The following DEPTOR variants were observed in gnomAD, a reference collection of about 807,000 sequenced individuals.
DEPTOR encodes DEP domain containing MTOR interacting protein.
DEPTOR carries 41 observed loss-of-function variants against 41.6 expected under a neutral mutation model. The ratio of observed to expected loss-of-function variants is 0.98; its 90% CI spans 0.77 to 1.28. DEPTOR has a LOEUF of 1.28. Ranked by LOEUF, DEPTOR falls within the 50% of genes most tolerant of loss-of-function variation. The pLI, the probability that DEPTOR is intolerant of heterozygous loss-of-function variation, is 0.00. For missense variants in DEPTOR, 514 were observed against 527.9 expected (o/e 0.97, Z 0.26); for synonymous variants, 195 against 192.3 (o/e 1.01, Z -0.12).
intron 3 of DEPTOR, among the ~76,000 whole-genome samples, chr8:119,949,883 T>C (rs2129922235): frequency 6.6e-6 from 1 of 152,198 alleles, no homozygotes; most frequent in South Asian, 2.1e-4. Flanking sequence ...TTTCACTATG[T>C]TGGCCCGGCT....
At chr8:120,031,380 G>A (rs1203301576) in intron 8 of DEPTOR, among the ~76,000 whole-genome samples, 5 of 152,098 alleles carry the variant, frequency 3.3e-5, no homozygotes, top group South Asian at 2.1e-4. Flanking sequence ...CAGGAGAATT[G>A]CTTGAATCCT....
chr8:120,018,104 A>G (rs1194615422), intron 8 of DEPTOR, among the ~76,000 whole-genome samples: 1 of 152,196 alleles, frequency 6.6e-6, no homozygotes, highest in Non-Finnish European at 1.5e-5. Context: ...TGGCAACATA[A>G]CTGTCTATTT....
At chr8:119,889,698 G>C (rs1295364482) in intron 1 of DEPTOR, among the ~76,000 whole-genome samples, 4 of 146,112 alleles carry the variant, frequency 2.7e-5, no homozygotes, top group African/African-American at 7.6e-5. Context: ...GGGGAGAGGA[G>C]TGGAGAAGGG....
At chr8:120,005,530 C>A (rs1812423163) in intron 6 of DEPTOR, among the ~76,000 whole-genome samples, 2 of 152,156 alleles carry the variant, frequency 1.3e-5, no homozygotes, top group African/African-American at 4.8e-5. Context: ...ACACTCTTTC[C>A]AGGACTGGTA....
chr8:119,941,081 G>C (rs949442250), intron 3 of DEPTOR, among the ~76,000 whole-genome samples: 1 of 151,868 alleles, frequency 6.6e-6, no homozygotes, highest in Non-Finnish European at 1.5e-5. Flanking sequence ...ACTTAAAAAT[G>C]GTTAAAATGG....
intron 1 of DEPTOR, 66 bp from the exon 2 acceptor site, chr8:119,928,334 T>C: frequency 6.5e-7 from 1 of 1,528,514 alleles, no homozygotes. Flanking sequence ...TATTACTGTC[T>C]GGGATTGGTT....
chr8:120,011,425 A>G (rs1414253949), intron 8 of DEPTOR, among the ~76,000 whole-genome samples: 1 of 152,228 alleles, frequency 6.6e-6, no homozygotes, highest in East Asian at 1.9e-4. Flanking sequence ...GGCCAGGATC[A>G]TAAAAAAGCA....
intron 1 of DEPTOR, among the ~76,000 whole-genome samples, chr8:119,911,108 CTGTTTA>C (rs1419901556): frequency 1.3e-5 from 2 of 152,148 alleles, no homozygotes; most frequent in Non-Finnish European, 2.9e-5. Context: ...TCAGTGTTGG[CTGTTTA>C]TCTTTGGGAC....
intron 8 of DEPTOR, among the ~76,000 whole-genome samples, chr8:120,023,813 T>TC (rs397964979): frequency 6.6e-6 from 1 of 151,568 alleles, no homozygotes; most frequent in Non-Finnish European, 1.5e-5. Context: ...TTTTTTTTTT[T>TC]ACTTTGCTTG....
chr8:119,933,245 C>G (rs1326257189), intron 3 of DEPTOR, among the ~76,000 whole-genome samples: 1 of 151,876 alleles, frequency 6.6e-6, no homozygotes, highest in Non-Finnish European at 1.5e-5. Flanking sequence ...ATCCCAGCAC[C>G]TTGGGAGGCT....
At chr8:119,882,807 AC>A (rs1482829145) in intron 1 of DEPTOR, among the ~76,000 whole-genome samples, 7 of 152,172 alleles carry the variant, frequency 4.6e-5, no homozygotes, top group Admixed American at 4.6e-4. Context: ...TTAGGAAATG[AC>A]AAAGGAAAGA....
At chr8:120,009,387 C>T (rs1373479541) in intron 8 of DEPTOR, among the ~76,000 whole-genome samples, 8 of 151,974 alleles carry the variant, frequency 5.3e-5, no homozygotes, top group Non-Finnish European at 8.8e-5. Flanking sequence ...CCAAGGCAGA[C>T]ATATCACTTG....
chr8:119,890,969 A>G (rs1048284377), intron 1 of DEPTOR, among the ~76,000 whole-genome samples: 2 of 152,214 alleles, frequency 1.3e-5, no homozygotes, highest in African/African-American at 4.8e-5. Flanking sequence ...GTACTAATTC[A>G]AAAGGGCAAT....
At chr8:119,888,858 CAAAAAAAAAA>C (rs34471575) in intron 1 of DEPTOR, among the ~76,000 whole-genome samples, 3 of 63,864 alleles carry the variant, frequency 4.7e-5, no homozygotes, top group African/African-American at 2.0e-4. Context: ...TCTGTCTCAG[CAAAAAAAAAA>C]AAAAAAAAAA....
chr8:119,913,758 T>C (rs7387264), intron 1 of DEPTOR, among the ~76,000 whole-genome samples: 75,737 of 151,972 alleles, frequency 0.5, 20,596 homozygotes, highest in East Asian at 0.92. Flanking sequence ...CCCCAGGCCA[T>C]GTTACCTAAA....
chr8:119,950,748 C>A (rs1828341875), intron 3 of DEPTOR, among the ~76,000 whole-genome samples: 1 of 152,122 alleles, frequency 6.6e-6, no homozygotes, highest in Non-Finnish European at 1.5e-5. Flanking sequence ...GCGTGCACCA[C>A]TATGCCCAGC....
chr8:119,937,877 G>C (rs1232966783), intron 3 of DEPTOR, among the ~76,000 whole-genome samples: 1 of 152,142 alleles, frequency 6.6e-6, no homozygotes, highest in African/African-American at 2.4e-5. Context: ...TAAGCTTCAG[G>C]AACCTGAATA....
chr8:119,996,947 G>A (rs1219906378), intron 4 of DEPTOR, among the ~76,000 whole-genome samples: 2 of 152,072 alleles, frequency 1.3e-5, no homozygotes, highest in Non-Finnish European at 2.9e-5. Context: ...GCATTACTGA[G>A]TATAGCGATG....
At chr8:119,953,367 G>A (rs1828377356) in intron 3 of DEPTOR, among the ~76,000 whole-genome samples, 1 of 152,038 alleles carries the variant, frequency 6.6e-6, no homozygotes, top group Non-Finnish European at 1.5e-5. Flanking sequence ...CAGATCACTT[G>A]AGGTCAGGAG....
Sources: gnomAD v4.1 joint callset for allele counts (sites outside exome capture counted in the v4.1 genomes callset) on GRCh38, gnomAD v4.1.1 for gene constraint, MANE v1.5 for transcripts, NCBI Gene and HGNC (gene_info 2026-07-23, HGNC 2026-07-21) for gene names.